CCDC141: variants seen among roughly 807,000 people sequenced by gnomAD.
The protein encoded by CCDC141 is coiled-coil domain containing 141.
CCDC141 carries 168 observed loss-of-function variants against 181.0 expected under a neutral mutation model. The ratio of observed to expected loss-of-function variants is 0.93; its 90% CI spans 0.82 to 1.05. The LOEUF is 1.05. Ranked by LOEUF, CCDC141 falls within the 50% of genes least tolerant of loss-of-function variation. The pLI, the probability that CCDC141 is intolerant of heterozygous loss-of-function variation, is 0.00. For missense variants in CCDC141, 1,902 were observed against 1,788.5 expected (o/e 1.06, Z -1.14); for synonymous variants, 666 against 642.3 (o/e 1.04, Z -0.56).
At chr2:178,819,134 GACGAC>G in the CCDC141 span, among the ~76,000 whole-genome samples, 1 of 152,148 alleles carries the variant, frequency 6.6e-6, no homozygotes, top group Admixed American at 6.6e-5. Flanking sequence ...AAGTAATAAA[GACGAC>G]ATTTGGAACT....
intron 5 of CCDC141, among the ~76,000 whole-genome samples, chr2:178,950,796 T>G (rs1689921139): frequency 6.6e-6 from 1 of 152,230 alleles, no homozygotes; most frequent in Admixed American, 6.5e-5. Flanking sequence ...AATATGTTAT[T>G]TTAAGGCAAA....
At position 178,851,389 on chromosome 2, in the gene CCDC141, G is replaced by A. The variant is rs193024583; in HGVS notation, c.3245-1228C>T. 1.3e-3 allele frequency among the ~76,000 whole-genome samples: 198 copies of A among 152,140 alleles called. 1 individual carries two copies. Among genetic ancestry groups the A allele is most frequent in the African/African-American group, 4.5e-3 (185 of 41,506 alleles). On this transcript the variant is annotated intron_variant, in intron 20 of 23. Coordinates refer to ENST00000443758, the MANE Select transcript of CCDC141 (RefSeq NM_173648.4). ...ATGTTGAAGTCCCAATTCCCAGTAC[G>A]TCAGAATGTAACTGTATTTGGAAAT... is the stretch of plus-strand genomic sequence containing the variant.
At chr2:178,928,730 C>T (rs1014685816) in intron 6 of CCDC141, among the ~76,000 whole-genome samples, 1 of 152,148 alleles carries the variant, frequency 6.6e-6, no homozygotes, top group Non-Finnish European at 1.5e-5. Context: ...GCTTTCTTAA[C>T]TCAGCCCTTT....
chr2:178,852,986 T>C (rs1561636398), intron 20 of CCDC141, among the ~76,000 whole-genome samples: 1 of 152,230 alleles, frequency 6.6e-6, no homozygotes, highest in Non-Finnish European at 1.5e-5. Flanking sequence ...CTTTCTCAAA[T>C]ATGTGAGCCA....
At chr2:178,825,016 C>T (rs540538298), downstream of CCDC141, among the ~76,000 whole-genome samples, 1 of 151,996 alleles carries the variant, frequency 6.6e-6, no homozygotes, top group South Asian at 2.1e-4. Flanking sequence ...ACATATAAGA[C>T]CAAAAATTAC....
At chr2:179,032,990 GAATATTATATATATATATAATATAT>G (rs1159572736) in intron 2 of CCDC141, among the ~76,000 whole-genome samples, 5 of 146,762 alleles carry the variant, frequency 3.4e-5, no homozygotes, top group African/African-American at 9.9e-5. Context: ...ATATATCTCA[GAATATTATATATATATATAATATAT>G]AATATTATAT....
intron 2 of CCDC141, among the ~76,000 whole-genome samples, chr2:179,040,503 T>A (rs568193717): frequency 6.6e-6 from 1 of 152,324 alleles, no homozygotes; most frequent in East Asian, 1.9e-4. Context: ...TAGTATCCAT[T>A]AGGTATTCTT....
chr2:178,869,059 A>G (rs1685988629), intron 15 of CCDC141, 58 bp downstream of exon 15: 1 of 1,265,284 alleles, frequency 7.9e-7, no homozygotes, highest in Non-Finnish European at 1.1e-6. Context: ...ATAATAATTC[A>G]TTTTTAATTG....
intron 6 of CCDC141, among the ~76,000 whole-genome samples, chr2:178,937,010 T>C (rs1169765630): frequency 6.6e-6 from 1 of 152,214 alleles, no homozygotes; most frequent in Non-Finnish European, 1.5e-5. Context: ...TGGGGTTTTC[T>C]AGATATAGAA....
intron 5 of CCDC141, among the ~76,000 whole-genome samples, chr2:178,950,759 T>G (rs1559001934): frequency 6.6e-6 from 1 of 152,202 alleles, no homozygotes; most frequent in Non-Finnish European, 1.5e-5. Flanking sequence ...CCCGGTATTC[T>G]CTGTTGATGG....
rs564796790 is a variant in CCDC141 at position 178,927,708 on chromosome 2, A to C, written c.898-8801T>G. ...AGGAGTGGAGGTGGGGTGGGGAGTG[A>C]AGGGTGACAGAAAAATGAGTTATTA... On this transcript the variant is annotated intron_variant, in intron 6 of 23. Coordinates refer to ENST00000443758, the MANE Select transcript of CCDC141 (RefSeq NM_173648.4). Among the ~76,000 whole-genome samples, 11 of 152,258 alleles carry C rather than the reference A, an allele frequency of 7.2e-5. No individual in the cohort carries two copies. In the South Asian group the frequency reaches 2.3e-3, roughly 32 times the overall value.
At chr2:179,017,835 C>T (rs549610790) in intron 2 of CCDC141, among the ~76,000 whole-genome samples, 7 of 151,950 alleles carry the variant, frequency 4.6e-5, no homozygotes, top group East Asian at 3.9e-4. Flanking sequence ...TTTGTGTTGA[C>T]GATGAGGTAT....
chr2:179,032,069 T>C (rs1244314813), intron 2 of CCDC141, among the ~76,000 whole-genome samples: 2 of 152,134 alleles, frequency 1.3e-5, no homozygotes, highest in Non-Finnish European at 2.9e-5. Flanking sequence ...ACCTTCTCTG[T>C]CTTCCCACTT....
chr2:179,004,931 C>T lies in CCDC141; in HGVS notation c.226-26256G>A, dbSNP rs536081546. 4.6e-5 allele frequency among the ~76,000 whole-genome samples: 7 copies of T among 152,216 alleles called. No individual in the cohort carries two copies. The South Asian group carries it at 1.5e-3, about 32-fold the overall frequency. On this transcript the variant is annotated intron_variant, in intron 2 of 23. Transcript: ENST00000443758. ...ATTTTTTGGGGAGATGGGGTTTTGC[C>T]ATGTTGGCCAGGCTGGTTTTGAACT...
At chr2:179,024,033 A>C (rs2042761446) in intron 2 of CCDC141, among the ~76,000 whole-genome samples, 1 of 152,262 alleles carries the variant, frequency 6.6e-6, no homozygotes, top group South Asian at 2.1e-4. Context: ...GGCCCGGCTT[A>C]GGTGAGGGCA....
At chr2:178,947,082 C>T (rs999292779) in intron 5 of CCDC141, among the ~76,000 whole-genome samples, 2 of 152,174 alleles carry the variant, frequency 1.3e-5, no homozygotes, top group African/African-American at 4.8e-5. Context: ...GGGATGCACA[C>T]AAAATAGGCT....
rs915427259 is a variant in CCDC141 at position 178,899,603 on chromosome 2, C to T, written c.1265+5726G>A. ...AATGTATGAACTAAAATTCCTTTAA[C>T]GTGAAGTCTTGGGTTTCTTATCCAT... On this transcript the variant is annotated intron_variant, in intron 8 of 23. Transcript: ENST00000443758. 2.6e-5 allele frequency among the ~76,000 whole-genome samples: 4 copies of T among 152,074 alleles called. No individual in the cohort carries two copies. In the East Asian group the frequency reaches 5.8e-4, roughly 22 times the overall value.
At chr2:178,891,627 G>C (rs1164236579) in intron 8 of CCDC141, among the ~76,000 whole-genome samples, 1 of 152,128 alleles carries the variant, frequency 6.6e-6, no homozygotes, top group African/African-American at 2.4e-5. Flanking sequence ...GGTCATGGTA[G>C]CTTGCTCAAA....
chr2:178,861,614 C>T (rs955454625), intron 17 of CCDC141, among the ~76,000 whole-genome samples: 16 of 142,500 alleles, frequency 1.1e-4, no homozygotes, highest in Non-Finnish European at 1.5e-4. Flanking sequence ...CCAGCCTGGG[C>T]GACAGAGTGA....
Sources: gnomAD v4.1 joint callset for allele counts (sites outside exome capture counted in the v4.1 genomes callset) on GRCh38, gnomAD v4.1.1 for gene constraint, MANE v1.5 for transcripts, NCBI Gene and HGNC (gene_info 2026-07-23, HGNC 2026-07-21) for gene names.